Variants in PPARGC1A observed in about 807,000 individuals in gnomAD.
PPARGC1A encodes the protein PPARG coactivator 1 alpha, also known as peroxisome proliferator-activated receptor gamma coactivator 1-alpha.
In PPARGC1A, 25 loss-of-function variants were observed where a neutral mutation model predicts 88.7. The ratio of observed to expected loss-of-function variants is 0.28; its 90% CI spans 0.21 to 0.39. The LOEUF is 0.39. PPARGC1A is among the 10% of genes least tolerant of loss of function. The pLI is 1.00. For synonymous variants in PPARGC1A, 363 were observed against 355.6 expected (o/e 1.02, Z -0.24); for missense variants, 880 against 968.7 (o/e 0.91, Z 1.22).
chr4:24,148,332 C>G, the PPARGC1A span, among the ~76,000 whole-genome samples: 1 of 152,272 alleles, frequency 6.6e-6, no homozygotes, highest in South Asian at 2.1e-4. Context: ...GTTTTCCACC[C>G]TTCCTTCATG....
chr4:24,176,341 A>G, the PPARGC1A span, among the ~76,000 whole-genome samples: 6 of 152,216 alleles, frequency 3.9e-5, no homozygotes, highest in Non-Finnish European at 8.8e-5. Context: ...CAACTGATTT[A>G]TTACATGGCT....
chr4:24,150,357 C>A, the PPARGC1A span, among the ~76,000 whole-genome samples: 1 of 152,154 alleles, frequency 6.6e-6, no homozygotes, highest in Non-Finnish European at 1.5e-5. Flanking sequence ...CTTCAACAAA[C>A]TTCTTTAACA....
the PPARGC1A span, among the ~76,000 whole-genome samples, chr4:24,403,355 G>A: frequency 6.6e-6 from 1 of 152,240 alleles, no homozygotes; most frequent in Non-Finnish European, 1.5e-5. Flanking sequence ...GTTAAGCTCT[G>A]AGAAGAAATA....
the PPARGC1A span, among the ~76,000 whole-genome samples, chr4:24,452,713 C>A: frequency 7.0e-4 from 107 of 152,312 alleles, no homozygotes; most frequent in Non-Finnish European, 1.4e-3. Context: ...GTGCTGGAAA[C>A]ACAAGGATAA....
At chr4:24,096,761 C>G in the PPARGC1A span, among the ~76,000 whole-genome samples, 3 of 152,158 alleles carry the variant, frequency 2.0e-5, no homozygotes, top group East Asian at 5.8e-4. Context: ...TCCTTACCCA[C>G]TGTTTTTCCC....
the PPARGC1A span, among the ~76,000 whole-genome samples, chr4:24,399,355 A>G: frequency 6.6e-6 from 1 of 152,206 alleles, no homozygotes; most frequent in South Asian, 2.1e-4. Context: ...TGTTACTTTT[A>G]TAATGAGAAA....
intron 2 of PPARGC1A, among the ~76,000 whole-genome samples, chr4:23,832,670 C>T (rs554757720): frequency 3.4e-5 from 5 of 147,666 alleles, no homozygotes; most frequent in African/African-American, 5.0e-5. Flanking sequence ...AGTGCAGTGG[C>T]GCGATCTCGG....
intron 1 of PPARGC1A, among the ~76,000 whole-genome samples, chr4:23,886,079 G>A (rs1261539535): frequency 6.6e-6 from 1 of 152,082 alleles, no homozygotes; most frequent in Non-Finnish European, 1.5e-5. Flanking sequence ...AACTCCTATT[G>A]CAGGGGTCTG....
the PPARGC1A span, among the ~76,000 whole-genome samples, chr4:24,010,010 G>T: frequency 6.9e-4 from 105 of 152,228 alleles, no homozygotes; most frequent in African/African-American, 2.4e-3. Flanking sequence ...CAACAGATTA[G>T]ACTAGATTAG....
At chr4:24,075,134 A>T in the PPARGC1A span, among the ~76,000 whole-genome samples, 75 of 152,318 alleles carry the variant, frequency 4.9e-4, no homozygotes, top group Non-Finnish European at 4.6e-4. Context: ...GCCCGTCTCC[A>T]CTTCATAGAA....
chr4:24,142,915 G>C, the PPARGC1A span, among the ~76,000 whole-genome samples: 1 of 150,606 alleles, frequency 6.6e-6, no homozygotes, highest in African/African-American at 2.4e-5. Flanking sequence ...CTGGCGCATA[G>C]CTGAGGCTGG....
chr4:24,255,013 C>A, the PPARGC1A span, among the ~76,000 whole-genome samples: 37 of 152,164 alleles, frequency 2.4e-4, no homozygotes, highest in Non-Finnish European at 4.3e-4. Context: ...TAAGTATGAT[C>A]CTTGTAAAGA....
intron 2 of PPARGC1A, among the ~76,000 whole-genome samples, chr4:23,873,192 C>T (rs1327135454): frequency 2.9e-5 from 2 of 68,634 alleles, no homozygotes; most frequent in Non-Finnish European, 7.5e-5. Context: ...AGCGAGACTC[C>T]GTCTCAAAAA....
chr4:24,031,096 A>G, the PPARGC1A span, among the ~76,000 whole-genome samples: 5 of 152,144 alleles, frequency 3.3e-5, no homozygotes, highest in African/African-American at 1.2e-4. Context: ...ATTGACAAGC[A>G]GAGACTTGCT....
the PPARGC1A span, among the ~76,000 whole-genome samples, chr4:24,190,770 C>T: frequency 6.6e-6 from 1 of 152,172 alleles, no homozygotes; most frequent in Admixed American, 6.5e-5. Flanking sequence ...CAGCTCATTC[C>T]TCTAGAAATA....
chr4:24,284,594 G>A, the PPARGC1A span, among the ~76,000 whole-genome samples: 1 of 152,216 alleles, frequency 6.6e-6, no homozygotes, highest in East Asian at 1.9e-4. Context: ...CAGAATACCA[G>A]TGGGGAAGGG....
At chr4:24,082,512 T>C in the PPARGC1A span, among the ~76,000 whole-genome samples, 1 of 152,140 alleles carries the variant, frequency 6.6e-6, no homozygotes, top group Non-Finnish European at 1.5e-5. Context: ...GGCCATGGAA[T>C]GATTGAGTAG....
the PPARGC1A span, among the ~76,000 whole-genome samples, chr4:24,324,597 A>G: frequency 1.3e-5 from 2 of 152,168 alleles, no homozygotes; most frequent in African/African-American, 4.8e-5. Flanking sequence ...TTCTTCTGCA[A>G]TGCCGCTTGA....
the PPARGC1A span, among the ~76,000 whole-genome samples, chr4:24,393,047 A>ACC: frequency 8.7e-4 from 89 of 102,470 alleles, no homozygotes; most frequent in Non-Finnish European, 1.3e-3. Context: ...ACACACACAC[A>ACC]CCCCTTTTTC....
Sources: allele counts gnomAD v4.1 joint callset (sites outside exome capture counted in the v4.1 genomes callset), GRCh38; gene constraint gnomAD v4.1.1; transcripts MANE v1.5; gene names NCBI Gene and HGNC (gene_info 2026-07-23, HGNC 2026-07-21).